SP1: variants seen among roughly 807,000 people sequenced by gnomAD.
SP1 encodes the protein Sp1 transcription factor, also known as transcription factor Sp1.
In SP1, 6 loss-of-function variants were observed where a neutral mutation model predicts 66.3. The observed-to-expected ratio is 0.09, with a 90% CI of 0.05 to 0.18. The LOEUF (loss-of-function observed/expected upper bound fraction) is 0.18. Ranked by LOEUF, SP1 falls within the 10% of genes least tolerant of loss-of-function variation. The probability of loss-of-function intolerance (pLI) is 1.00; values close to 1 mark genes in which losing one functional copy is unlikely to be tolerated. For synonymous variants in SP1, 417 were observed against 360.8 expected (o/e 1.16, Z -1.77); for missense variants, 848 against 964.5 (o/e 0.88, Z 1.60).
intron 3 of SP1, among the ~76,000 whole-genome samples, chr12:53,388,368 T>C (rs771967204): frequency 1.6e-4 from 25 of 152,130 alleles, no homozygotes; most frequent in Non-Finnish European, 3.2e-4. Context: ...TGCCATTTAA[T>C]ATGTCATAGA....
At chr12:53,406,819 A>G in intron 4 of SP1, 66 bp downstream of exon 4, 1 of 1,415,574 alleles carries the variant, frequency 7.1e-7, no homozygotes, top group East Asian at 2.5e-5. Context: ...GATAAGAGGA[A>G]GAAGATTAAT....
In SP1 at chr12:53,382,641, C is replaced by G. The variant is rs766634498; in HGVS notation, c.694C>G (p.Leu232Val). Residue 232 changes from leucine (L) to valine (V), a missense_variant, in exon 3 of 6, where the codon CTC (leucine) becomes GTC (valine). Coordinates refer to ENST00000327443, the MANE Select transcript of SP1 (RefSeq NM_138473.3). ...CATCATTGCTGCTATGCCAAACCTA[C>G]TCCAGCAGGCTGTCCCCCTCCAAGG... ...GNIIAAMPNL[L>V]QQAVPLQGLA... The G allele has an allele frequency of 6.2e-7, 1 of 1,614,220 alleles. No individual in the cohort carries two copies.
At chr12:53,381,625 CAA>C in intron 1 of SP1, 32 bp from the exon 2 acceptor site, 1 of 1,566,766 alleles carries the variant, frequency 6.4e-7, no homozygotes, top group South Asian at 1.2e-5. Flanking sequence ...TTTCTTCCCT[CAA>C]GTTTACGTTG....
At chr12:53,383,677 A>C (rs1249856984) in intron 3 of SP1, 55 bp downstream of exon 3, 2 of 1,425,678 alleles carry the variant, frequency 1.4e-6, no homozygotes, top group South Asian at 1.3e-5. Flanking sequence ...ATCGTAGCTG[A>C]AACTTGAGTC....
At chr12:53,406,564 C>G in intron 3 of SP1, 21 bp from the exon 4 acceptor site, 2 of 1,611,252 alleles carry the variant, frequency 1.2e-6, no homozygotes, top group Admixed American at 1.7e-5. Context: ...ACATGTTGAC[C>G]CTTTTCTCTC....
At chr12:53,395,254 C>T (rs774423885) in intron 3 of SP1, among the ~76,000 whole-genome samples, 1 of 152,058 alleles carries the variant, frequency 6.6e-6, no homozygotes, top group Non-Finnish European at 1.5e-5. Context: ...ACAGGAGAAT[C>T]GCTTGAATCT....
At chr12:53,406,437 C>T (rs1392017515) in intron 3 of SP1, 148 bp from the exon 4 acceptor site, 11 of 638,276 alleles carry the variant, frequency 1.7e-5, no homozygotes, top group Non-Finnish European at 3.0e-5. Context: ...AATGGAATGG[C>T]TAAACATAAA....
intron 4 of SP1, 52 bp from the exon 5 acceptor site, chr12:53,409,310 T>C (rs1404687644): frequency 8.2e-6 from 12 of 1,466,692 alleles, no homozygotes; most frequent in Non-Finnish European, 1.1e-5. Flanking sequence ...TACTTTGTGG[T>C]TCTTTAGTTT....
chr12:53,406,987 G>A (rs1938754924), intron 4 of SP1, among the ~76,000 whole-genome samples: 2 of 151,850 alleles, frequency 1.3e-5, no homozygotes. Context: ...ACCACACCCA[G>A]CTATCTTTTT....
chr12:53,389,357 C>T (rs980499655), intron 3 of SP1, among the ~76,000 whole-genome samples: 1 of 151,342 alleles, frequency 6.6e-6, no homozygotes, highest in Non-Finnish European at 1.5e-5. Flanking sequence ...GAGTAATGCC[C>T]ACCACCACGC....
chr12:53,381,987 A>G, intron 2 of SP1, 123 bp from the exon 3 acceptor site: 1 of 1,147,790 alleles, frequency 8.7e-7, no homozygotes, highest in Admixed American at 2.5e-5. Context: ...CAGATAGGTC[A>G]GCTTTTTGTT....
At chr12:53,408,063 A>G (rs1253388633) in intron 4 of SP1, among the ~76,000 whole-genome samples, 1 of 143,926 alleles carries the variant, frequency 6.9e-6, no homozygotes, top group East Asian at 2.2e-4. Context: ...CCTGGCCAAC[A>G]TGGTGAAACC....
intron 3 of SP1, among the ~76,000 whole-genome samples, chr12:53,402,939 C>T (rs1938640498): frequency 6.6e-6 from 1 of 151,056 alleles, no homozygotes; most frequent in African/African-American, 2.4e-5. Flanking sequence ...TGCCACTGCA[C>T]TCCAGCCTGG....
At chr12:53,380,915 C>T (rs1207497114) in intron 1 of SP1, among the ~76,000 whole-genome samples, 1 of 149,430 alleles carries the variant, frequency 6.7e-6, no homozygotes, top group African/African-American at 2.5e-5. Context: ...TTTCCCCTCT[C>T]GTTACTTTTC....
intron 3 of SP1, among the ~76,000 whole-genome samples, chr12:53,406,177 TCTC>T (rs1938734650): frequency 6.6e-6 from 1 of 150,584 alleles, no homozygotes; most frequent in African/African-American, 2.4e-5. Flanking sequence ...TTCAAGCAAT[TCTC>T]CTGGCTCAGC....
At position 53,415,704 on chromosome 12, in the gene SP1, T is replaced by G. The variant is rs1348519726; in HGVS notation, c.*4464T>G. 6.6e-6 allele frequency: 1 copy of G among 152,536 alleles called. No homozygotes were observed. The highest frequency in any genetic ancestry group is 2.4e-5 in the African/African-American group (1 of 41,418). 9.4% of individuals were successfully genotyped at this position (152,536 alleles called of 1,614,324 possible). A position where few individuals can be genotyped will look rare whatever the true frequency, so the allele number is the denominator to read the frequency against. ...AGGGCTGCAAGTAGTGAGGATTTTG[T>G]TGATACCTCTGCTGGGATGTGTGCT... On this transcript the variant is annotated 3_prime_UTR_variant, in exon 6 of 6. Transcript: ENST00000327443.
chr12:53,382,003 T>G (rs867959646), intron 2 of SP1, 107 bp from the exon 3 acceptor site: 1 of 1,229,694 alleles, frequency 8.1e-7, no homozygotes. Context: ...TTGTTTCTGT[T>G]TTTTGCTCCT....
Position 53,410,923 on chromosome 12 carries a change from C to T in SP1, c.2045-4C>T. 1.2e-6 allele frequency: 2 copies of T among 1,607,884 alleles called. No individual in the cohort carries two copies. Among genetic ancestry groups the T allele is most frequent in the East Asian group, 2.2e-5 (1 of 44,836 alleles). Reference sequence around the variant, plus strand: ...AGCTTCTTATCTTTTCTTCCTTTACCTAGGTGAGAAGAAATTTGCCTGCCC... The same window carrying T: ...AGCTTCTTATCTTTTCTTCCTTTACTTAGGTGAGAAGAAATTTGCCTGCCC... On this transcript the variant is annotated splice_polypyrimidine_tract_variant and splice_region_variant and intron_variant, in intron 5 of 5. Transcript: ENST00000327443.
In SP1 at chr12:53,382,833, T is replaced by C; in HGVS notation, c.886T>C (p.Ser296Pro). The change falls in exon 3 of 6, where the codon TCA becomes CCA. Residue 296 changes from serine (S) to proline (P), a missense_variant. Ser to Pro is a moderately conservative substitution (Grantham distance 74, BLOSUM62 -1). Around this residue, in one of 7 missense-constraint regions of SP1, gnomAD observed 606 missense variants for 589.9 expected, o/e 1.03. Transcript: ENST00000327443. Reference sequence around the variant, plus strand: ...CAGCTCTGGGTCCCAGGAGAGTGGCTCACAGCCTGTCACCTCAGGGACTAC... The same window carrying C: ...CAGCTCTGGGTCCCAGGAGAGTGGCCCACAGCCTGTCACCTCAGGGACTAC... ...ISSSGSQESG[S>P]QPVTSGTTIS... The C allele has an allele frequency of 6.2e-7, 1 of 1,614,160 alleles. No homozygotes were observed. The highest frequency in any genetic ancestry group is 8.5e-7 in the Non-Finnish European group (1 of 1,179,992).
Sources: allele counts gnomAD v4.1 joint callset (sites outside exome capture counted in the v4.1 genomes callset), GRCh38; gene constraint gnomAD v4.1.1; regional missense constraint gnomAD v4.1.1; transcripts MANE v1.5; gene names NCBI Gene and HGNC (gene_info 2026-07-23, HGNC 2026-07-21).